The following ANO1 variants were observed in gnomAD, a reference collection of about 807,000 sequenced individuals.
The protein encoded by ANO1 is anoctamin 1.
Under a neutral mutation model 124.0 loss-of-function variants are expected in ANO1, and 59 were observed. The observed-to-expected ratio is 0.48, with a 90% CI of 0.39 to 0.59. The LOEUF is 0.59. Among genes scored for constraint, ANO1 ranks in the 20% least tolerant of loss-of-function variants. The pLI, the probability that ANO1 is intolerant of heterozygous loss-of-function variation, is 0.00. For missense variants in ANO1, 1,059 were observed against 1,328.0 expected (o/e 0.80, Z 3.15); for synonymous variants, 529 against 532.0 (o/e 0.99, Z 0.08).
At chr11:70,120,118 C>T (rs1162812642) in intron 8 of ANO1, among the ~76,000 whole-genome samples, 1 of 152,118 alleles carries the variant, frequency 6.6e-6, no homozygotes, top group East Asian at 1.9e-4. Flanking sequence ...CTGGATACCT[C>T]ACAGGGCAGA....
At chr11:70,177,735 G>GCCCGCC (rs2048777750) in intron 22 of ANO1, among the ~76,000 whole-genome samples, 1 of 151,644 alleles carries the variant, frequency 6.6e-6, no homozygotes, top group South Asian at 2.1e-4. Context: ...GAGTAGCTGG[G>GCCCGCC]ATTACAGGCG....
chr11:70,176,483 A>G (rs1310075280), intron 22 of ANO1, among the ~76,000 whole-genome samples: 1 of 152,162 alleles, frequency 6.6e-6, no homozygotes, highest in African/African-American at 2.4e-5. Context: ...TGGTTGAGTT[A>G]TTATCAATAG....
chr11:70,170,499 G>A (rs2048420566), intron 21 of ANO1, among the ~76,000 whole-genome samples: 1 of 152,186 alleles, frequency 6.6e-6, no homozygotes, highest in South Asian at 2.1e-4. Context: ...GGCTGAAGTG[G>A]GAGGATTCAT....
At chr11:70,170,183 C>T (rs531033495) in intron 21 of ANO1, 37 of 455,270 alleles carry the variant, frequency 8.1e-5, no homozygotes, top group South Asian at 5.6e-4. Context: ...TCCCCCAGGT[C>T]CCAGGGAGCC....
chr11:70,080,475 G>A (rs2044167979), intron 1 of ANO1, among the ~76,000 whole-genome samples: 1 of 152,224 alleles, frequency 6.6e-6, no homozygotes, highest in Non-Finnish European at 1.5e-5. Flanking sequence ...CCAGGGGATG[G>A]TAGTGGTGGC....
At chr11:70,094,690 G>T (rs916409930) in intron 2 of ANO1, among the ~76,000 whole-genome samples, 1 of 152,168 alleles carries the variant, frequency 6.6e-6, no homozygotes, top group Non-Finnish European at 1.5e-5. Context: ...TCTCCCCCAG[G>T]GGAGGAAGAA....
intron 25 of ANO1, among the ~76,000 whole-genome samples, chr11:70,187,215 G>A (rs557177124): frequency 5.9e-5 from 9 of 152,352 alleles, no homozygotes; most frequent in Admixed American, 1.3e-4. Flanking sequence ...TCAGCCGGGG[G>A]TGCTCACACG....
At chr11:69,987,745 C>T (rs1856074901) in intron 1 of ANO1, among the ~76,000 whole-genome samples, 1 of 152,066 alleles carries the variant, frequency 6.6e-6, no homozygotes, top group African/African-American at 2.4e-5. Context: ...CTTGAGGAAA[C>T]CGTTCCCTGT....
intron 5 of ANO1, among the ~76,000 whole-genome samples, chr11:70,106,398 G>A (rs2045548151): frequency 1.3e-5 from 2 of 152,242 alleles, no homozygotes; most frequent in South Asian, 2.1e-4. Flanking sequence ...AACTTTCGCT[G>A]TTATTCTCTA....
intron 5 of ANO1, 103 bp downstream of exon 5, chr11:70,105,891 C>G: frequency 8.4e-7 from 1 of 1,195,670 alleles, no homozygotes; most frequent in South Asian, 1.3e-5. Context: ...GAAGCCGGCT[C>G]TAATTGTCTG....
At chr11:70,001,773 ATGTGTG>A (rs140043461) in intron 1 of ANO1, among the ~76,000 whole-genome samples, 73,453 of 150,230 alleles carry the variant, frequency 0.49, 19,022 homozygotes, top group East Asian at 0.89. Context: ...CTTCAATAAG[ATGTGTG>A]TGTGTGTGTG....
Position 70,105,630 on chromosome 11 carries a change from C to A in ANO1, c.693-104C>A. The stretch of plus-strand genomic sequence containing the variant: ...TGCGGACAGAGTTCTGTCCATTTCA[C>A]GGTCACGGCTAATGGGGACAGTGTG... On this transcript the variant is annotated intron_variant, in intron 4 of 25. Coordinates refer to ENST00000355303, the MANE Select transcript of ANO1 (RefSeq NM_018043.7). 5 of 1,077,792 alleles carry A rather than the reference C, an allele frequency of 4.6e-6. No homozygotes were observed. The East Asian group carries it at 9.7e-5, about 21-fold the overall frequency. The allele number at this position is 1,077,792 out of a possible 1,614,324, so 66.8% of individuals were successfully genotyped here.
chr11:70,128,079 CTT>C (rs1014129219), intron 10 of ANO1, among the ~76,000 whole-genome samples: 38 of 152,178 alleles, frequency 2.5e-4, no homozygotes, highest in African/African-American at 8.2e-4. Context: ...GAAACTGACT[CTT>C]TGCAGCACAA....
At chr11:70,085,515 C>T (rs763987369) in intron 1 of ANO1, 10 of 1,536,116 alleles carry the variant, frequency 6.5e-6, no homozygotes, top group Non-Finnish European at 7.8e-6. Flanking sequence ...CCTGCCGGCA[C>T]CAGATGCTGA....
At chr11:70,052,545 T>C (rs1188658390) in intron 1 of ANO1, among the ~76,000 whole-genome samples, 33 of 69,442 alleles carry the variant, frequency 4.8e-4, no homozygotes, top group African/African-American at 1.9e-3. Context: ...TTTTTTTTTT[T>C]TTTTTTTTTT....
intron 12 of ANO1, among the ~76,000 whole-genome samples, chr11:70,151,838 T>C (rs1185871766): frequency 6.6e-6 from 1 of 152,232 alleles, no homozygotes; most frequent in African/African-American, 2.4e-5. Context: ...GTGACCCATG[T>C]GTGCCTTAGC....
intron 1 of ANO1, among the ~76,000 whole-genome samples, chr11:70,068,475 G>C (rs1857788024): frequency 6.6e-6 from 1 of 152,200 alleles, no homozygotes; most frequent in South Asian, 2.1e-4. Context: ...TGCTTTCCTG[G>C]TGCAGGGAGA....
chr11:70,058,252 T>C (rs1857486424), intron 1 of ANO1, among the ~76,000 whole-genome samples: 2 of 152,306 alleles, frequency 1.3e-5, no homozygotes, highest in East Asian at 3.9e-4. Context: ...CCAAGGGGGT[T>C]CAGCATAATT....
intron 1 of ANO1, among the ~76,000 whole-genome samples, chr11:70,070,242 A>T (rs1425488280): frequency 6.6e-6 from 1 of 152,096 alleles, no homozygotes; most frequent in Non-Finnish European, 1.5e-5. Context: ...TGACAAAATC[A>T]CCTGGAGCCG....
Sources: allele counts gnomAD v4.1 joint callset (sites outside exome capture counted in the v4.1 genomes callset), GRCh38; gene constraint gnomAD v4.1.1; transcripts MANE v1.5; gene names NCBI Gene and HGNC (gene_info 2026-07-23, HGNC 2026-07-21).